The following RAB38 variants were observed in gnomAD, a reference collection of about 807,000 sequenced individuals.
RAB38 encodes RAB38, member RAS oncogene family.
Under a neutral mutation model 18.4 loss-of-function variants are expected in RAB38, and 15 were observed. The ratio of observed to expected loss-of-function variants is 0.82; its 90% CI spans 0.55 to 1.26. The LOEUF (loss-of-function observed/expected upper bound fraction) is 1.26. Ranked by LOEUF, RAB38 falls within the 50% of genes most tolerant of loss-of-function variation. The pLI is 0.00. For missense variants in RAB38, 294 were observed against 267.4 expected, an observed-to-expected ratio of 1.10 and a Z score of -0.69; for synonymous variants, 101 against 104.4, an observed-to-expected ratio of 0.97 and a Z score of 0.20.
At chr11:88,021,895 C>G in the RAB38 span, among the ~76,000 whole-genome samples, 1 of 150,046 alleles carries the variant, frequency 6.7e-6, no homozygotes, top group East Asian at 2.0e-4. Flanking sequence ...TTTCAAATTC[C>G]TGACCTAAAG....
At chr11:88,032,272 C>G in the RAB38 span, among the ~76,000 whole-genome samples, 24,267 of 152,054 alleles carry the variant, frequency 0.16, 3,329 homozygotes, top group African/African-American at 0.35. Flanking sequence ...AAAACCATAA[C>G]AACCCTAGAA....
intron 1 of RAB38, 98 bp downstream of exon 1, chr11:88,175,085 G>C: frequency 7.4e-7 from 1 of 1,343,464 alleles, no homozygotes; most frequent in Non-Finnish European, 9.9e-7. Context: ...TCGCGACCTA[G>C]TGATTTTAAT....
chr11:87,878,220 T>TAC, the RAB38 span, among the ~76,000 whole-genome samples: 3 of 109,192 alleles, frequency 2.7e-5, no homozygotes, highest in African/African-American at 2.1e-4. Context: ...TATATATATA[T>TAC]ATACACACAT....
chr11:88,169,350 G>A (rs1943281974), intron 1 of RAB38, among the ~76,000 whole-genome samples: 1 of 152,094 alleles, frequency 6.6e-6, no homozygotes, highest in African/African-American at 2.4e-5. Context: ...TTTCTTTCTT[G>A]TTTTTCTTTT....
At chr11:87,812,204 A>G in the RAB38 span, among the ~76,000 whole-genome samples, 1 of 152,216 alleles carries the variant, frequency 6.6e-6, no homozygotes, top group East Asian at 1.9e-4. Flanking sequence ...ATGAATAGAT[A>G]TGACCTGATT....
the RAB38 span, among the ~76,000 whole-genome samples, chr11:88,065,640 G>C: frequency 1.3e-5 from 2 of 152,084 alleles, no homozygotes; most frequent in Non-Finnish European, 2.9e-5. Context: ...GTATGTCCTC[G>C]GACAAATCAA....
the RAB38 span, among the ~76,000 whole-genome samples, chr11:87,853,651 A>G: frequency 1.3e-5 from 2 of 152,334 alleles, no homozygotes; most frequent in African/African-American, 4.8e-5. Flanking sequence ...GTGATATGGC[A>G]GTAGTGGAAG....
chr11:87,931,128 G>A, the RAB38 span, among the ~76,000 whole-genome samples: 2 of 152,024 alleles, frequency 1.3e-5, no homozygotes, highest in African/African-American at 4.8e-5. Flanking sequence ...GATGGGGATG[G>A]CATTGAATCT....
At chr11:88,042,522 T>C in the RAB38 span, among the ~76,000 whole-genome samples, 1 of 152,206 alleles carries the variant, frequency 6.6e-6, no homozygotes, top group South Asian at 2.1e-4. Flanking sequence ...GCCTTCTGAA[T>C]GATATAATGG....
chr11:87,810,950 G>A, the RAB38 span, among the ~76,000 whole-genome samples: 10 of 152,232 alleles, frequency 6.6e-5, 1 homozygote, highest in Admixed American at 6.5e-4. Context: ...GACCAGGAGT[G>A]GAAGTTTATT....
chr11:87,954,468 T>C, the RAB38 span, among the ~76,000 whole-genome samples: 1 of 152,146 alleles, frequency 6.6e-6, no homozygotes, highest in East Asian at 1.9e-4. Flanking sequence ...CACAGAAAGA[T>C]AGAAAAAGAA....
the RAB38 span, among the ~76,000 whole-genome samples, chr11:87,884,619 G>T: frequency 4.4e-3 from 674 of 152,054 alleles, 6 homozygotes; most frequent in African/African-American, 0.015. Flanking sequence ...GAGGTTGTGA[G>T]TTATTACTGT....
chr11:87,954,528 A>G, the RAB38 span, among the ~76,000 whole-genome samples: 1 of 151,002 alleles, frequency 6.6e-6, no homozygotes, highest in African/African-American at 2.5e-5. Context: ...ACCTGCATAA[A>G]TGCACGCTAG....
chr11:87,818,785 T>A, the RAB38 span, among the ~76,000 whole-genome samples: 28 of 151,768 alleles, frequency 1.8e-4, no homozygotes, highest in African/African-American at 6.3e-4. Context: ...ATAATGTATA[T>A]AAACACTTAG....
At chr11:88,019,767 A>AT in the RAB38 span, among the ~76,000 whole-genome samples, 26 of 152,192 alleles carry the variant, frequency 1.7e-4, no homozygotes, top group South Asian at 1.2e-3. Context: ...TATGACACTC[A>AT]TTTTCACTTC....
chr11:88,116,507 A>G (rs10830213), intron 2 of RAB38, among the ~76,000 whole-genome samples: 48,212 of 152,050 alleles, frequency 0.32, 9,699 homozygotes, highest in African/African-American at 0.56. Flanking sequence ...AAGGGGTTAA[A>G]AGGCTTCCCC....
chr11:88,026,900 G>C, the RAB38 span, among the ~76,000 whole-genome samples: 1 of 152,094 alleles, frequency 6.6e-6, no homozygotes, highest in Non-Finnish European at 1.5e-5. Flanking sequence ...AGATAACAAA[G>C]CTGGCAAATC....
At position 88,132,891 on chromosome 11, in the gene RAB38, T is replaced by G. The variant is rs776743698; in HGVS notation, c.483+16784A>C. Reference sequence around the variant, plus strand: ...ATGTGAGTTCAAGTTATCAATAGTTTAAATGCACAAGATTTCATTTGATAG... The same window carrying G: ...ATGTGAGTTCAAGTTATCAATAGTTGAAATGCACAAGATTTCATTTGATAG... On this transcript the variant is annotated intron_variant, in intron 2 of 2. Transcript: ENST00000243662. 2.5e-4 allele frequency among the ~76,000 whole-genome samples: 38 copies of G among 152,236 alleles called. 1 individual carries two copies. The highest frequency in any genetic ancestry group is 2.5e-4 in the Non-Finnish European group (17 of 68,042).
chr11:88,058,900 CCT>C, the RAB38 span, among the ~76,000 whole-genome samples: 6 of 152,144 alleles, frequency 3.9e-5, no homozygotes, highest in Non-Finnish European at 7.3e-5. Context: ...TGGCCACTCA[CCT>C]GCAGATTTAT....
Sources: allele counts gnomAD v4.1 joint callset (sites outside exome capture counted in the v4.1 genomes callset), GRCh38; gene constraint gnomAD v4.1.1; transcripts MANE v1.5; gene names NCBI Gene and HGNC (gene_info 2026-07-23, HGNC 2026-07-21).